Variants in NCK2 observed in about 807,000 individuals in gnomAD.
NCK2 encodes cytoplasmic protein NCK2.
NCK2 carries 16 observed loss-of-function variants against 33.9 expected under a neutral mutation model. The ratio of observed to expected loss-of-function variants is 0.47; its 90% CI spans 0.32 to 0.72. The LOEUF (loss-of-function observed/expected upper bound fraction) is 0.72. NCK2 is among the 30% of genes least tolerant of loss of function. The probability of loss-of-function intolerance (pLI) is 0.03; values close to 1 mark genes in which losing one functional copy is unlikely to be tolerated. For synonymous variants in NCK2, 273 were observed against 239.9 expected, an observed-to-expected ratio of 1.14 and a Z score of -1.27; for missense variants, 418 against 537.3, an observed-to-expected ratio of 0.78 and a Z score of 2.19.
chr2:105,834,406 A>G (rs547474151), intron 2 of NCK2, among the ~76,000 whole-genome samples: 92 of 151,950 alleles, frequency 6.1e-4, no homozygotes, highest in Non-Finnish European at 1.1e-3. Context: ...TTGCCACTTT[A>G]TGTTTTTTGA....
intron 3 of NCK2, among the ~76,000 whole-genome samples, chr2:105,872,284 C>T (rs1029142177): frequency 6.6e-5 from 10 of 152,204 alleles, no homozygotes; most frequent in African/African-American, 1.4e-4. Context: ...ACCTTCCCCC[C>T]GCCACCAGGC....
intron 1 of NCK2, among the ~76,000 whole-genome samples, chr2:105,766,193 G>A (rs997643479): frequency 6.6e-6 from 1 of 152,202 alleles, no homozygotes; most frequent in Non-Finnish European, 1.5e-5. Context: ...CATTCTGGTA[G>A]CAGGAGAGCC....
intron 1 of NCK2, among the ~76,000 whole-genome samples, chr2:105,759,957 C>T (rs1322938446): frequency 6.6e-6 from 1 of 152,206 alleles, no homozygotes; most frequent in Non-Finnish European, 1.5e-5. Context: ...ATCAGCGTGG[C>T]TTATGATGGT....
intron 3 of NCK2, among the ~76,000 whole-genome samples, chr2:105,868,677 G>A (rs1199780980): frequency 6.6e-6 from 1 of 152,210 alleles, no homozygotes; most frequent in East Asian, 1.9e-4. Context: ...GTGTCCAAGA[G>A]GACCACTTGA....
At chr2:105,890,617 T>C (rs1678930129) in intron 4 of NCK2, among the ~76,000 whole-genome samples, 1 of 152,230 alleles carries the variant, frequency 6.6e-6, no homozygotes, top group Non-Finnish European at 1.5e-5. Flanking sequence ...TTTGTTCTTA[T>C]TTGGTCTATT....
rs776751269 is a variant in NCK2, at chr2:105,881,732, G to A, written c.631G>A (p.Glu211Lys). The change falls in exon 4 of 5, where the codon GAG becomes AAG. Residue 211 changes from glutamate to lysine, a missense_variant. Glu to Lys is a moderately conservative substitution (Grantham distance 56). Transcript: ENST00000233154. ...GCTGTACCCCTTCAGCTCAGTCACC[G>A]AGGAGGAGCTCAACTTCGAGAAGGG... ...QTLYPFSSVT[E>K]EELNFEKGET... 10 of 1,614,230 alleles carry A rather than the reference G, an allele frequency of 6.2e-6. No homozygotes were observed. The highest frequency in any genetic ancestry group is 8.5e-6 in the Non-Finnish European group (10 of 1,180,034).
chr2:105,854,935 A>G lies in NCK2; in HGVS notation c.-16-113A>G, dbSNP rs775518109. On this transcript the variant is annotated intron_variant, in intron 2 of 4. Transcript: ENST00000233154. ...TGAGCATTTCAAGACCCAGGAGAAA[A>G]CTGGTTGCAGAGTTGTAATAAAAGC... The G allele has an allele frequency of 3.0e-5, 21 of 709,128 alleles. 1 individual carries two copies. Among genetic ancestry groups the G allele is most frequent in the Non-Finnish European group, 5.1e-5 (21 of 413,854 alleles). The allele number at this position is 709,128 out of a possible 1,614,324, so 43.9% of individuals were successfully genotyped here. A position where few individuals can be genotyped will look rare whatever the true frequency, so the allele number is the denominator to read the frequency against.
intron 2 of NCK2, among the ~76,000 whole-genome samples, chr2:105,826,229 C>T (rs943285416): frequency 3.9e-5 from 6 of 152,218 alleles, no homozygotes; most frequent in African/African-American, 9.6e-5. Context: ...GCGGGAAGAG[C>T]GGCTTATAAA....
At position 105,800,021 on chromosome 2, in the gene NCK2, A is replaced by G. The variant is rs138200637; in HGVS notation, c.-200-16409A>G. On this transcript the variant is annotated intron_variant, in intron 1 of 4. Coordinates refer to ENST00000233154, the MANE Select transcript of NCK2 (RefSeq NM_003581.5). Reference sequence around the variant, plus strand: ...TAATAAGGAAATCTGTCATTTGGAAACACCATCTTTGTTCATGTGGTATCA... The same window carrying G: ...TAATAAGGAAATCTGTCATTTGGAAGCACCATCTTTGTTCATGTGGTATCA... Among the ~76,000 whole-genome samples the G allele has an allele frequency of 2.0e-5, 3 of 152,316 alleles. No individual in the cohort carries two copies. The East Asian group carries it at 5.8e-4, about 29-fold the overall frequency.
chr2:105,808,379 G>T (rs546453534), intron 1 of NCK2, among the ~76,000 whole-genome samples: 1 of 152,292 alleles, frequency 6.6e-6, no homozygotes, highest in Non-Finnish European at 1.5e-5. Flanking sequence ...ATTTGAAAAT[G>T]ACAGCCTGGA....
intron 1 of NCK2, among the ~76,000 whole-genome samples, chr2:105,787,905 C>T (rs1468231777): frequency 6.6e-6 from 1 of 151,910 alleles, no homozygotes; most frequent in Non-Finnish European, 1.5e-5. Context: ...ATACCGCCCC[C>T]CACCGCCCCC....
chr2:105,866,449 A>G (rs1179071220), intron 3 of NCK2, among the ~76,000 whole-genome samples: 1 of 152,232 alleles, frequency 6.6e-6, no homozygotes, highest in Admixed American at 6.5e-5. Flanking sequence ...GGCACCAGGA[A>G]CTGGTTTCGT....
At chr2:105,850,770 A>AT (rs973638482) in intron 2 of NCK2, among the ~76,000 whole-genome samples, 11 of 151,918 alleles carry the variant, frequency 7.2e-5, no homozygotes, top group Non-Finnish European at 1.0e-4. Flanking sequence ...GCTGGAATGC[A>AT]TTTTTTTTCA....
rs1678505670 is a variant in NCK2 at position 105,881,818 on chromosome 2, T to C, written c.717T>C (p.Asn239=). 1.9e-6 allele frequency: 3 copies of C among 1,609,574 alleles called. No homozygotes were observed. Among genetic ancestry groups the C allele is most frequent in the Admixed American group, 3.4e-5 (2 of 59,664 alleles). ...ENDPEWWKCK[N]ARGQVGLVPK... is the part of the protein sequence containing the mutation. ...ACCCCGAGTGGTGGAAATGCAAAAATGCCCGGGGCCAGGTGGGCCTCGTCC... is the reference window on the plus strand; with the variant it reads ...ACCCCGAGTGGTGGAAATGCAAAAACGCCCGGGGCCAGGTGGGCCTCGTCC... The change falls in exon 4 of 5, where the codon AAT becomes AAC. Residue 239 remains asparagine (N), a synonymous_variant. Transcript: ENST00000233154.
At position 105,809,500 on chromosome 2, in the gene NCK2, G is replaced by A. The variant is rs1308519299; in HGVS notation, c.-200-6930G>A. On this transcript the variant is annotated intron_variant, in intron 1 of 4. Coordinates refer to ENST00000233154, the MANE Select transcript of NCK2 (RefSeq NM_003581.5). ...GTCTTTTCAACGTGCACACCCTCCT[G>A]GTATCTCTTCCTCTCTTAAAAGGCC... 2.6e-5 allele frequency among the ~76,000 whole-genome samples: 4 copies of A among 152,022 alleles called. No homozygotes were observed. In the South Asian group the frequency reaches 6.2e-4, roughly 24 times the overall value.
chr2:105,746,842 G>A (rs956347578), intron 1 of NCK2, among the ~76,000 whole-genome samples: 1 of 152,150 alleles, frequency 6.6e-6, no homozygotes, highest in Non-Finnish European at 1.5e-5. Flanking sequence ...GTCTTCTGGC[G>A]GCTACTTGAG....
intron 1 of NCK2, among the ~76,000 whole-genome samples, chr2:105,768,287 C>T (rs1283108770): frequency 3.3e-5 from 5 of 152,220 alleles, no homozygotes; most frequent in African/African-American, 4.8e-5. Flanking sequence ...CGCGTGTGGC[C>T]GGTGGCTGTG....
intron 2 of NCK2, among the ~76,000 whole-genome samples, chr2:105,827,770 TAGAG>T (rs1558857852): frequency 1.3e-5 from 2 of 152,248 alleles, no homozygotes; most frequent in East Asian, 1.9e-4. Context: ...ATTACAGAGA[TAGAG>T]AGCAGGTTAG....
chr2:105,747,048 A>T (rs144072118), intron 1 of NCK2, among the ~76,000 whole-genome samples: 1 of 152,160 alleles, frequency 6.6e-6, no homozygotes, highest in Non-Finnish European at 1.5e-5. Flanking sequence ...CCCTCTGTCC[A>T]CTTGTGGAGA....
Sources: allele counts gnomAD v4.1 joint callset (sites outside exome capture counted in the v4.1 genomes callset), GRCh38; gene constraint gnomAD v4.1.1; transcripts MANE v1.5; gene names NCBI Gene and HGNC (gene_info 2026-07-23, HGNC 2026-07-21).